Variants in RRM2 observed in about 807,000 individuals in gnomAD.
The protein encoded by RRM2 is ribonucleoside-diphosphate reductase subunit M2.
In RRM2, 6 loss-of-function variants were observed where a neutral mutation model predicts 45.9. That is an observed-to-expected ratio of 0.13 (90% CI 0.07 to 0.26). RRM2 has a LOEUF of 0.26. Ranked by LOEUF, RRM2 falls within the 10% of genes least tolerant of loss-of-function variation. The pLI is 1.00. For synonymous variants in RRM2, 177 were observed against 173.0 expected (o/e 1.02, Z -0.18); for missense variants, 343 against 489.5 (o/e 0.70, Z 2.82).
intron 3 of RRM2, among the ~76,000 whole-genome samples, chr2:10,191,236 G>C (rs1664299834): frequency 2.0e-5 from 3 of 152,224 alleles, no homozygotes; most frequent in African/African-American, 7.2e-5. Flanking sequence ...GGCTGTCAGG[G>C]GAGCAGAGAG....
chr2:10,188,551 C>G (rs1572525662), intron 3 of RRM2, among the ~76,000 whole-genome samples: 1 of 152,196 alleles, frequency 6.6e-6, no homozygotes, highest in Non-Finnish European at 1.5e-5. Flanking sequence ...AAGACCTCAT[C>G]TCCAAATACG....
At chr2:10,170,181 A>G (rs1485707345) in intron 3 of RRM2, among the ~76,000 whole-genome samples, 1 of 152,134 alleles carries the variant, frequency 6.6e-6, no homozygotes, top group African/African-American at 2.4e-5. Flanking sequence ...AGCCGCCTCT[A>G]CCTTCCAGGA....
intron 3 of RRM2, among the ~76,000 whole-genome samples, chr2:10,187,484 C>T (rs867223392): frequency 4.6e-5 from 7 of 152,208 alleles, no homozygotes; most frequent in Admixed American, 1.3e-4. Context: ...TGCGTCTCCC[C>T]GCAGCTGTCT....
intron 3 of RRM2, among the ~76,000 whole-genome samples, chr2:10,166,184 C>T (rs1663676608): frequency 6.6e-6 from 1 of 152,230 alleles, no homozygotes; most frequent in South Asian, 2.1e-4. Flanking sequence ...ATTTCCTGAG[C>T]AGAGCTGAAC....
At chr2:10,199,575 A>G (rs543738465) in intron 3 of RRM2, among the ~76,000 whole-genome samples, 9 of 151,734 alleles carry the variant, frequency 5.9e-5, no homozygotes, top group Non-Finnish European at 8.8e-5. Context: ...AGGTCAGGAG[A>G]TCAAGACCAT....
At chr2:10,145,777 A>G (rs963637201) in intron 3 of RRM2, 4 of 152,260 alleles carry the variant, frequency 2.6e-5, no homozygotes, top group Admixed American at 6.5e-5. Context: ...CTGTGGTTTC[A>G]TAACTCCGTC....
chr2:10,179,814 G>A (rs1025793881), intron 3 of RRM2, among the ~76,000 whole-genome samples: 2 of 152,176 alleles, frequency 1.3e-5, no homozygotes, highest in Admixed American at 6.5e-5. Flanking sequence ...ATTTTTAGAG[G>A]AGCTCAGGGT....
intron 3 of RRM2, among the ~76,000 whole-genome samples, chr2:10,200,381 A>G (rs1664522422): frequency 6.6e-6 from 1 of 150,776 alleles, no homozygotes; most frequent in Admixed American, 6.6e-5. Flanking sequence ...ACCTCAGGTC[A>G]GAAACCTGCA....
At chr2:10,174,928 CT>C (rs1663883306) in intron 3 of RRM2, among the ~76,000 whole-genome samples, 1 of 151,704 alleles carries the variant, frequency 6.6e-6, no homozygotes, top group African/African-American at 2.4e-5. Context: ...TATGCAGTAC[CT>C]CCTCATTTTA....
downstream of RRM2, among the ~76,000 whole-genome samples, chr2:10,134,681 A>G (rs1029357096): frequency 6.6e-5 from 10 of 152,252 alleles, no homozygotes; most frequent in African/African-American, 2.4e-4. Context: ...GGAATCAGGT[A>G]GAATGGGATA....
downstream of RRM2, among the ~76,000 whole-genome samples, chr2:10,136,249 G>A (rs1662987612): frequency 1.3e-5 from 2 of 152,224 alleles, no homozygotes; most frequent in African/African-American, 4.8e-5. Flanking sequence ...GAGGGGTTGA[G>A]GCCCAGATGA....
chr2:10,206,163 G>A (rs972617603), intron 3 of RRM2, among the ~76,000 whole-genome samples: 2 of 151,290 alleles, frequency 1.3e-5, no homozygotes, highest in Non-Finnish European at 2.9e-5. Context: ...GGAGAATGGC[G>A]TGAATCTGGG....
intron 3 of RRM2, among the ~76,000 whole-genome samples, chr2:10,148,626 CTT>C (rs1171179412): frequency 6.6e-6 from 1 of 152,156 alleles, no homozygotes; most frequent in Non-Finnish European, 1.5e-5. Flanking sequence ...TGTCCAAAGT[CTT>C]TTTTATTTAG....
intron 3 of RRM2, among the ~76,000 whole-genome samples, chr2:10,157,296 C>A (rs4669537): frequency 0.14 from 21,465 of 152,184 alleles, 1,681 homozygotes; most frequent in Middle Eastern, 0.19. Flanking sequence ...TCTCAAAGTG[C>A]TGGGATTACA....
At chr2:10,196,009 C>T (rs1021252323) in intron 3 of RRM2, among the ~76,000 whole-genome samples, 2 of 152,150 alleles carry the variant, frequency 1.3e-5, no homozygotes, top group Admixed American at 6.5e-5. Context: ...CAGAGCCGGC[C>T]GCCCAGGGAC....
chr2:10,190,021 T>C (rs1664251942), intron 3 of RRM2, among the ~76,000 whole-genome samples: 3 of 151,526 alleles, frequency 2.0e-5, no homozygotes, highest in African/African-American at 7.3e-5. Flanking sequence ...ATGGTGATGA[T>C]GGTGGTGATG....
At chr2:10,166,775 C>T (rs1408800996) in intron 3 of RRM2, among the ~76,000 whole-genome samples, 4 of 152,314 alleles carry the variant, frequency 2.6e-5, no homozygotes, top group South Asian at 2.1e-4. Context: ...TGCTGAGCGG[C>T]GATGGAACAG....
At chr2:10,149,849 T>C (rs1262206526) in intron 3 of RRM2, among the ~76,000 whole-genome samples, 1 of 152,222 alleles carries the variant, frequency 6.6e-6, no homozygotes, top group Non-Finnish European at 1.5e-5. Context: ...CACATGCCAC[T>C]GTCATGAGAT....
rs887378357 is a variant in RRM2 at position 10,204,480 on chromosome 2, G to A, written n.483-5831G>A. 6.6e-6 allele frequency among the ~76,000 whole-genome samples: 1 copy of A among 152,228 alleles called. No individual in the cohort carries two copies. The highest frequency in any genetic ancestry group is 6.5e-5 in the Admixed American group (1 of 15,286). On this transcript the variant is annotated intron_variant and non_coding_transcript_variant, in intron 3 of 3. Transcript: ENST00000381786. This position sits in a 1 kb window ranked among gnomAD's most constrained non-coding sequence, Gnocchi z 4.0. ...GCAGAGAAGCAGCCAAGTCTCTGAT[G>A]GAGCCCACCGGAGCAGCCTACCTGG...
Sources: gnomAD v4.1 joint callset for allele counts (sites outside exome capture counted in the v4.1 genomes callset) on GRCh38, gnomAD v4.1.1 for gene constraint, Gnocchi (gnomAD v3.1) non-coding constraint, MANE v1.5 for transcripts, NCBI Gene and HGNC (gene_info 2026-07-23, HGNC 2026-07-21) for gene names.